SNTG2: variants seen among roughly 807,000 people sequenced by gnomAD.
SNTG2 encodes the protein syntrophin gamma 2, also known as gamma-2-syntrophin.
SNTG2 carries 74 observed loss-of-function variants against 70.9 expected under a neutral mutation model. That is an observed-to-expected ratio of 1.04 (90% CI 0.86 to 1.27). The LOEUF is 1.27. Ranked by LOEUF, SNTG2 falls within the 50% of genes most tolerant of loss-of-function variation. SNTG2 has a pLI of 0.00. For missense variants in SNTG2, 717 were observed against 690.7 expected, an observed-to-expected ratio of 1.04 and a Z score of -0.43; for synonymous variants, 278 against 273.8, an observed-to-expected ratio of 1.02 and a Z score of -0.15.
chr2:1,189,564 C>CTT (rs370771654), intron 8 of SNTG2, among the ~76,000 whole-genome samples: 34,797 of 147,970 alleles, frequency 0.24, 4,671 homozygotes, highest in East Asian at 0.44. Context: ...GGGACTCTAA[C>CTT]TTTTTTTTTT....
chr2:1,187,349 C>T (rs1672310256), intron 8 of SNTG2, among the ~76,000 whole-genome samples: 2 of 152,108 alleles, frequency 1.3e-5, no homozygotes, highest in Admixed American at 1.3e-4. Flanking sequence ...GCACATGGAC[C>T]TCCCTAATCT....
chr2:960,362 T>C (rs952226300), intron 1 of SNTG2, among the ~76,000 whole-genome samples: 1 of 152,204 alleles, frequency 6.6e-6, no homozygotes, highest in Admixed American at 6.5e-5. Flanking sequence ...TCCTTTGTTC[T>C]CTCCTTTGTT....
At chr2:1,134,842 G>A (rs1572527511) in intron 4 of SNTG2, among the ~76,000 whole-genome samples, 1 of 152,142 alleles carries the variant, frequency 6.6e-6, no homozygotes, top group Non-Finnish European at 1.5e-5. Flanking sequence ...CAGGCATGGC[G>A]GGCTGCAGGT....
chr2:1,099,067 G>T (rs59057642), intron 4 of SNTG2, among the ~76,000 whole-genome samples: 1,706 of 152,264 alleles, frequency 0.011, 25 homozygotes, highest in African/African-American at 0.035. Context: ...TGGACATAAT[G>T]AACCCCCTGC....
At chr2:1,351,252 AAT>A (rs1660556404) in intron 16 of SNTG2, among the ~76,000 whole-genome samples, 1 of 152,056 alleles carries the variant, frequency 6.6e-6, no homozygotes, top group African/African-American at 2.4e-5. Flanking sequence ...TCATCTTTAA[AAT>A]ATGTCTCTGG....
At chr2:1,067,686 T>C (rs2148128230) in intron 1 of SNTG2, among the ~76,000 whole-genome samples, 1 of 152,200 alleles carries the variant, frequency 6.6e-6, no homozygotes, top group Non-Finnish European at 1.5e-5. Flanking sequence ...AGTATCGAAC[T>C]CAAAGAGGTA....
At chr2:1,291,035 T>C (rs548916175) in intron 14 of SNTG2, among the ~76,000 whole-genome samples, 1 of 152,344 alleles carries the variant, frequency 6.6e-6, no homozygotes, top group South Asian at 2.1e-4. Flanking sequence ...GTTTGTATTT[T>C]ATAGTAGCCA....
At chr2:1,142,616 G>GTCAACTCAACCTCACTTA in intron 6 of SNTG2, among the ~76,000 whole-genome samples, 2 of 152,314 alleles carry the variant, frequency 1.3e-5, no homozygotes, top group Admixed American at 1.3e-4. Context: ...AGGAAGCTAT[G>GTCAACTCAACCTCACTTA]GCAACTCAAC....
At chr2:1,240,933 A>G (rs1431328612) in intron 11 of SNTG2, among the ~76,000 whole-genome samples, 1 of 152,184 alleles carries the variant, frequency 6.6e-6, no homozygotes, top group Non-Finnish European at 1.5e-5. Context: ...ATAAAATATC[A>G]TTTCCCTACT....
intron 8 of SNTG2, among the ~76,000 whole-genome samples, chr2:1,183,284 C>T (rs559268324): frequency 6.6e-6 from 1 of 152,020 alleles, no homozygotes; most frequent in Non-Finnish European, 1.5e-5. Context: ...CTGATTGGGG[C>T]CTATTACATA....
Position 1,308,558 on chromosome 2 carries a change from G to C in SNTG2, c.1349G>C (p.Gly450Ala). Residue 450 changes from glycine to alanine, a missense_variant, in exon 15 of 17, where the codon GGA becomes GCA. Transcript: ENST00000308624. ...TGTTTCACGGTGGATTTCGCGTTGG[G>C]ATTTACCTGTTTTGAGAGTAAGACC... ...MLCFTVDFALGFTCFESKTKN... is the reference protein window; with the variant it reads ...MLCFTVDFALAFTCFESKTKN... 1.9e-6 allele frequency: 3 copies of C among 1,551,716 alleles called. No homozygotes were observed. Among genetic ancestry groups the C allele is most frequent in the Non-Finnish European group, 2.6e-6 (3 of 1,146,996 alleles).
intron 11 of SNTG2, among the ~76,000 whole-genome samples, chr2:1,245,476 G>A (rs1229555730): frequency 6.6e-6 from 1 of 152,148 alleles, no homozygotes; most frequent in Non-Finnish European, 1.5e-5. Flanking sequence ...ATTGTTTTTA[G>A]TAACTATGCT....
In SNTG2 at chr2:1,137,602, C is replaced by T; in HGVS notation, c.326-20C>T. 1 of 1,610,674 alleles carries T rather than the reference C, an allele frequency of 6.2e-7. No homozygotes were observed. Among genetic ancestry groups the T allele is most frequent in the Non-Finnish European group, 8.5e-7 (1 of 1,178,866 alleles). On this transcript the variant is annotated intron_variant, in intron 4 of 16. Transcript: ENST00000308624. ...ACTGAGATTTCTCTTAAAACTGTTGCCACTTTTGCCACCCTGCAGCTGACC... is the reference window on the plus strand; with the variant it reads ...ACTGAGATTTCTCTTAAAACTGTTGTCACTTTTGCCACCCTGCAGCTGACC...
intron 14 of SNTG2, among the ~76,000 whole-genome samples, chr2:1,304,029 G>T (rs765529639): frequency 6.6e-6 from 1 of 152,272 alleles, no homozygotes; most frequent in East Asian, 1.9e-4. Flanking sequence ...AAATGTCAAA[G>T]AGAACACCAA....
chr2:1,258,771 G>A (rs1678258592), intron 12 of SNTG2, among the ~76,000 whole-genome samples: 1 of 152,102 alleles, frequency 6.6e-6, no homozygotes, highest in African/African-American at 2.4e-5. Flanking sequence ...AGCATTATTC[G>A]ACAGTGAGAT....
At chr2:1,078,115 A>G (rs1158154961) in intron 1 of SNTG2, among the ~76,000 whole-genome samples, 1 of 152,194 alleles carries the variant, frequency 6.6e-6, no homozygotes, top group African/African-American at 2.4e-5. Flanking sequence ...AACTGCATGG[A>G]TAAAGTTACA....
chr2:995,220 A>T (rs1661639080), intron 1 of SNTG2, among the ~76,000 whole-genome samples: 1 of 152,042 alleles, frequency 6.6e-6, no homozygotes, highest in African/African-American at 2.4e-5. Flanking sequence ...AACTTTTATC[A>T]GATTGAGGAA....
intron 6 of SNTG2, among the ~76,000 whole-genome samples, chr2:1,154,476 G>A (rs1277863760): frequency 6.6e-6 from 1 of 152,112 alleles, no homozygotes; most frequent in Non-Finnish European, 1.5e-5. Flanking sequence ...GTTGAAAAAC[G>A]CTGATGAGAA....
At chr2:1,264,784 T>G (rs943839673) in intron 13 of SNTG2, among the ~76,000 whole-genome samples, 2 of 152,214 alleles carry the variant, frequency 1.3e-5, no homozygotes, top group Non-Finnish European at 2.9e-5. Context: ...TGGTCTTAAA[T>G]TCCTGGGCTC....
Sources: gnomAD v4.1 joint callset for allele counts (sites outside exome capture counted in the v4.1 genomes callset) on GRCh38, gnomAD v4.1.1 for gene constraint, MANE v1.5 for transcripts, NCBI Gene and HGNC (gene_info 2026-07-23, HGNC 2026-07-21) for gene names.